Variants in SLC24A2 observed in about 807,000 individuals in gnomAD.
SLC24A2 encodes sodium/potassium/calcium exchanger 2.
SLC24A2 carries 36 observed loss-of-function variants against 62.0 expected under a neutral mutation model. The ratio of observed to expected loss-of-function variants is 0.58; its 90% CI spans 0.44 to 0.77. SLC24A2 has a LOEUF of 0.77. SLC24A2 is among the 30% of genes least tolerant of loss of function. SLC24A2 has a pLI of 0.00. For missense variants in SLC24A2, 846 were observed against 817.9 expected, an observed-to-expected ratio of 1.03 and a Z score of -0.42; for synonymous variants, 358 against 294.0, an observed-to-expected ratio of 1.22 and a Z score of -2.23.
At chr9:19,840,860 T>G in the SLC24A2 span, among the ~76,000 whole-genome samples, 6 of 152,356 alleles carry the variant, frequency 3.9e-5, no homozygotes, top group Middle Eastern at 3.4e-3. Flanking sequence ...AGCATTTACC[T>G]TTAAACTGGC....
chr9:20,103,059 T>A, the SLC24A2 span, among the ~76,000 whole-genome samples: 1 of 152,218 alleles, frequency 6.6e-6, no homozygotes, highest in East Asian at 1.9e-4. Context: ...CACGCCTGGC[T>A]TGGAGTGTCC....
chr9:19,812,433 C>T, the SLC24A2 span, among the ~76,000 whole-genome samples: 1 of 152,276 alleles, frequency 6.6e-6, no homozygotes, highest in Admixed American at 6.5e-5. Flanking sequence ...CTCTCTATTG[C>T]TATCTCTAAT....
At chr9:19,940,046 GGGGGTT>G in the SLC24A2 span, among the ~76,000 whole-genome samples, 1 of 152,218 alleles carries the variant, frequency 6.6e-6, no homozygotes, top group Non-Finnish European at 1.5e-5. Context: ...CGACACCCTT[GGGGGTT>G]TGAGGGGATG....
At chr9:19,549,713 T>A (rs544456030) in intron 8 of SLC24A2, among the ~76,000 whole-genome samples, 2 of 152,338 alleles carry the variant, frequency 1.3e-5, no homozygotes, top group African/African-American at 2.4e-5. Flanking sequence ...CAAGATGAGA[T>A]ACACATAACC....
At chr9:19,713,989 C>T (rs1242302049) in intron 2 of SLC24A2, among the ~76,000 whole-genome samples, 1 of 152,180 alleles carries the variant, frequency 6.6e-6, no homozygotes, top group South Asian at 2.1e-4. Context: ...CAACCTGGAT[C>T]TAGCCAATTA....
chr9:19,914,381 T>C, the SLC24A2 span, among the ~76,000 whole-genome samples: 1 of 152,172 alleles, frequency 6.6e-6, no homozygotes, highest in South Asian at 2.1e-4. Context: ...ATACACCTTA[T>C]ACAAAAGACC....
chr9:20,079,755 G>C, the SLC24A2 span, among the ~76,000 whole-genome samples: 1 of 152,166 alleles, frequency 6.6e-6, no homozygotes, highest in East Asian at 1.9e-4. Context: ...GTATAAGAAT[G>C]CTTGTGATTT....
At chr9:20,167,654 G>A in the SLC24A2 span, among the ~76,000 whole-genome samples, 8 of 152,010 alleles carry the variant, frequency 5.3e-5, no homozygotes, top group African/African-American at 1.9e-4. Flanking sequence ...GGTATAAGGT[G>A]AGACTAGAAC....
chr9:20,127,180 C>G, the SLC24A2 span, among the ~76,000 whole-genome samples: 1 of 151,984 alleles, frequency 6.6e-6, no homozygotes, highest in South Asian at 2.1e-4. Context: ...TCCCTTTCTG[C>G]CTGAGGGAAT....
chr9:19,604,746 G>A (rs575526115), intron 4 of SLC24A2, among the ~76,000 whole-genome samples: 6 of 152,226 alleles, frequency 3.9e-5, no homozygotes, highest in Admixed American at 3.3e-4. Context: ...AAGGGAAAAA[G>A]GACTGGAAGA....
the SLC24A2 span, among the ~76,000 whole-genome samples, chr9:19,880,455 AAT>A: frequency 6.6e-6 from 1 of 152,190 alleles, no homozygotes; most frequent in Non-Finnish European, 1.5e-5. Flanking sequence ...CCCTTGGGCC[AAT>A]ATGTCATGGC....
the SLC24A2 span, among the ~76,000 whole-genome samples, chr9:20,193,712 A>T: frequency 2.0e-5 from 3 of 152,236 alleles, no homozygotes; most frequent in African/African-American, 7.2e-5. Context: ...AGAGACATAC[A>T]AAAAATAACT....
At chr9:19,609,602 T>C (rs1403011770) in intron 4 of SLC24A2, among the ~76,000 whole-genome samples, 1 of 152,196 alleles carries the variant, frequency 6.6e-6, no homozygotes, top group Non-Finnish European at 1.5e-5. Flanking sequence ...TTGTGATGAT[T>C]TTTGCCATAA....
intron 6 of SLC24A2, 145 bp downstream of exon 6, chr9:19,576,779 A>G: frequency 1.4e-6 from 1 of 720,846 alleles, no homozygotes; most frequent in Non-Finnish European, 2.5e-6. Flanking sequence ...GGCAAGAGGG[A>G]CTCATTTCCT....
At chr9:19,956,606 C>A in the SLC24A2 span, among the ~76,000 whole-genome samples, 1 of 152,160 alleles carries the variant, frequency 6.6e-6, no homozygotes, top group East Asian at 1.9e-4. Context: ...TGTATGGCAG[C>A]AGGCAAGAGA....
At chr9:20,176,284 C>G in the SLC24A2 span, among the ~76,000 whole-genome samples, 1 of 152,006 alleles carries the variant, frequency 6.6e-6, no homozygotes, top group Non-Finnish European at 1.5e-5. Context: ...TTCTGATTTA[C>G]TTCATTTTAC....
intron 8 of SLC24A2, among the ~76,000 whole-genome samples, chr9:19,533,489 C>T (rs1229337368): frequency 6.6e-6 from 1 of 152,214 alleles, no homozygotes; most frequent in South Asian, 2.1e-4. Context: ...TTGGAAGTGA[C>T]AGCGTGCAAA....
intron 8 of SLC24A2, among the ~76,000 whole-genome samples, chr9:19,534,299 T>A (rs1833851345): frequency 6.6e-6 from 1 of 152,210 alleles, no homozygotes. Flanking sequence ...CCATGCCTGG[T>A]TTCCTTTACT....
the SLC24A2 span, among the ~76,000 whole-genome samples, chr9:20,161,853 T>G: frequency 1.3e-5 from 2 of 151,388 alleles, no homozygotes; most frequent in African/African-American, 4.8e-5. Flanking sequence ...TATGCTACAT[T>G]CCCAATAGGA....
Sources: gnomAD v4.1 joint callset for allele counts (sites outside exome capture counted in the v4.1 genomes callset) on GRCh38, gnomAD v4.1.1 for gene constraint, MANE v1.5 for transcripts, NCBI Gene and HGNC (gene_info 2026-07-23, HGNC 2026-07-21) for gene names.